KIF13B: variants seen among roughly 807,000 people sequenced by gnomAD.
KIF13B encodes kinesin family member 13B.
KIF13B carries 127 observed loss-of-function variants against 222.0 expected under a neutral mutation model. The observed-to-expected ratio is 0.57, with a 90% confidence interval of 0.50 to 0.66. The LOEUF (loss-of-function observed/expected upper bound fraction) is 0.66. Ranked by LOEUF, KIF13B falls within the 30% of genes least tolerant of loss-of-function variation. The pLI is 0.00. For missense variants in KIF13B, 2,173 were observed against 2,379.0 expected, an observed-to-expected ratio of 0.91 and a Z score of 1.80; for synonymous variants, 976 against 919.0, an observed-to-expected ratio of 1.06 and a Z score of -1.12.
intron 26 of KIF13B, among the ~76,000 whole-genome samples, chr8:29,124,884 A>C (rs1426933729): frequency 1.4e-4 from 11 of 77,894 alleles, no homozygotes; most frequent in South Asian, 3.6e-4. Context: ...ACTCCATCCC[A>C]AAAAAAAAAA....
chr8:29,192,404 T>C (rs1364394526), intron 3 of KIF13B, among the ~76,000 whole-genome samples: 1 of 152,108 alleles, frequency 6.6e-6, no homozygotes, highest in Admixed American at 6.6e-5. Context: ...AAGTTATATA[T>C]GTTGTTGTTG....
chr8:29,083,275 G>A (rs1217405010), intron 37 of KIF13B, among the ~76,000 whole-genome samples: 1 of 152,188 alleles, frequency 6.6e-6, no homozygotes, highest in Admixed American at 6.5e-5. Flanking sequence ...AGGTTATCAA[G>A]TTTTACTGGA....
chr8:29,196,667 C>T lies in KIF13B; in HGVS notation c.150-468G>A, dbSNP rs543217488. Reference sequence around the variant, plus strand: ...TTCTATTCTGGCTAAGGAAAAAAGGCTAAATTAAAGAAACCACTAATTTCT... The same window carrying T: ...TTCTATTCTGGCTAAGGAAAAAAGGTTAAATTAAAGAAACCACTAATTTCT... On this transcript the variant is annotated intron_variant, in intron 2 of 39. Coordinates refer to ENST00000524189, the MANE Select transcript of KIF13B (RefSeq NM_015254.4). Among the ~76,000 whole-genome samples the T allele has an allele frequency of 3.5e-4, 54 of 152,218 alleles. 1 individual carries two copies. The South Asian group carries it at 0.01, about 29-fold the overall frequency.
rs572309501 is a variant in KIF13B at position 29,075,763 on chromosome 8, A to C, written c.4459-420T>G. Among the ~76,000 whole-genome samples the C allele has an allele frequency of 2.6e-5, 4 of 152,258 alleles. 1 individual carries two copies. In the South Asian group the frequency reaches 8.3e-4, roughly 32 times the overall value. Reference sequence around the variant, plus strand: ...TAGTCACAGGAGGGGAGGAGGAAGGAGGCCAGGCTGGCTGGAGCACAAACC... The same window carrying C: ...TAGTCACAGGAGGGGAGGAGGAAGGCGGCCAGGCTGGCTGGAGCACAAACC... On this transcript the variant is annotated intron_variant, in intron 37 of 39. Transcript: ENST00000524189.
At chr8:29,090,887 C>T (rs1166136366) in intron 37 of KIF13B, among the ~76,000 whole-genome samples, 1 of 152,012 alleles carries the variant, frequency 6.6e-6, no homozygotes, top group African/African-American at 2.4e-5. Context: ...GCACGCCTGG[C>T]TAATTTTTGT....
rs976344393 is a variant in KIF13B at position 29,075,435 on chromosome 8, G to C, written c.4459-92C>G. ...TGCACAGGCTGGAGGGCCAGGACCT[G>C]CCCGAGGGGAATCGGCCCATCAGGT... On this transcript the variant is annotated intron_variant, in intron 37 of 39. Transcript: ENST00000524189. 8 of 1,166,368 alleles carry C rather than the reference G, an allele frequency of 6.9e-6. No homozygotes were observed. The East Asian group carries it at 2.1e-4, about 30-fold the overall frequency. 72.3% of individuals were successfully genotyped at this position (1,166,368 alleles called of 1,614,324 possible).
intron 21 of KIF13B, among the ~76,000 whole-genome samples, chr8:29,139,528 G>T (rs77178164): frequency 6.6e-6 from 1 of 152,122 alleles, no homozygotes; most frequent in African/African-American, 2.4e-5. Context: ...CAATATACGC[G>T]AAGTCTTACA....
rs375966959 is a variant in KIF13B, at chr8:29,116,840, G to A, written c.3828C>T (p.His1276=). 74 of 1,375,612 alleles carry A rather than the reference G, an allele frequency of 5.4e-5. No homozygotes were observed. Among genetic ancestry groups the A allele is most frequent in the Non-Finnish European group, 6.0e-5 (60 of 1,005,550 alleles). 85.2% of individuals were successfully genotyped at this position (1,375,612 alleles called of 1,614,324 possible). ...VLRKRICVNV[H]GRQGFAQSLL... The stretch of plus-strand genomic sequence containing the variant: ...TCCACTGAAGACTAACCTGGCGGCC[G>A]TGAACATTGACACAGATTCTCTTGC... The change falls in exon 31 of 40, where the codon CAC becomes CAT. Residue 1276 remains histidine, a synonymous_variant. Transcript: ENST00000524189.
chr8:29,150,501 C>T (rs956143631), intron 14 of KIF13B, 118 bp from the exon 15 acceptor site: 1 of 580,454 alleles, frequency 1.7e-6, no homozygotes, highest in Admixed American at 3.3e-5. Flanking sequence ...CCAAACACAA[C>T]CTGTTCTTGG....
chr8:29,073,864 G>T (rs987374997), intron 38 of KIF13B, among the ~76,000 whole-genome samples: 2 of 152,130 alleles, frequency 1.3e-5, no homozygotes, highest in African/African-American at 4.8e-5. Context: ...TTTTTGTGGT[G>T]AATCTCTAGG....
At chr8:29,168,459 C>T (rs1286313702) in intron 10 of KIF13B, among the ~76,000 whole-genome samples, 1 of 152,254 alleles carries the variant, frequency 6.6e-6, no homozygotes, top group African/African-American at 2.4e-5. Flanking sequence ...CTCTCTGCTT[C>T]CCTTGAGGGT....
intron 9 of KIF13B, among the ~76,000 whole-genome samples, chr8:29,177,194 T>G (rs142661218): frequency 0.03 from 4,548 of 151,520 alleles, 94 homozygotes; most frequent in Non-Finnish European, 0.045. Flanking sequence ...GGGATGCGGC[T>G]AGACACTCTA....
chr8:29,072,024 G>A lies in KIF13B; in HGVS notation c.4814C>T (p.Ala1605Val), dbSNP rs1807312831. 10 of 1,293,786 alleles carry A rather than the reference G, an allele frequency of 7.7e-6. No individual in the cohort carries two copies. In the Admixed American group the frequency reaches 3.0e-4, roughly 38 times the overall value. The allele number at this position is 1,293,786 out of a possible 1,614,324, so 80.1% of individuals were successfully genotyped here. The change falls in exon 39 of 40, where the codon GCG (alanine) becomes GTG (valine). Residue 1605 changes from alanine to valine, a missense_variant. Around this residue, in one of 2 missense-constraint regions of KIF13B, gnomAD observed 693 missense variants for 656.2 expected, o/e 1.06. Coordinates refer to ENST00000524189, the MANE Select transcript of KIF13B (RefSeq NM_015254.4). The stretch of plus-strand genomic sequence containing the variant: ...GGGCGGTGGGGGGTGGCTGATGGGC[G>A]CCTCGGGCTCGGCCTCAGGGGCGGT... ...MPTAPEAEPE[A>V]PISHPPPPTA...
intron 26 of KIF13B, among the ~76,000 whole-genome samples, chr8:29,124,436 G>A (rs534631141): frequency 9.9e-5 from 15 of 152,242 alleles, no homozygotes; most frequent in South Asian, 2.1e-4. Flanking sequence ...GGATAAAACC[G>A]ATAAACAGGA....
chr8:29,113,197 T>C (rs1403650063), intron 32 of KIF13B, among the ~76,000 whole-genome samples: 3 of 152,212 alleles, frequency 2.0e-5, no homozygotes, highest in Admixed American at 6.5e-5. Context: ...CTGGGTACAA[T>C]ATGTTTCTCT....
chr8:29,263,043 C>T lies in KIF13B; in HGVS notation c.-9G>A. The T allele has an allele frequency of 6.3e-7, 1 of 1,590,896 alleles. No homozygotes were observed. Among genetic ancestry groups the T allele is most frequent in the South Asian group, 1.1e-5 (1 of 87,004 alleles). ...ACTTTGGAGTCCCCCATCCTGCAGCCGCCGAGGAACTCGTTCGGCTTCCGT... is the reference window on the plus strand; with the variant it reads ...ACTTTGGAGTCCCCCATCCTGCAGCTGCCGAGGAACTCGTTCGGCTTCCGT... On this transcript the variant is annotated 5_prime_UTR_variant, in exon 1 of 40. Transcript: ENST00000524189.
At position 29,134,114 on chromosome 8, in the gene KIF13B, C is replaced by T. The variant is rs751813268; in HGVS notation, c.2710G>A (p.Ala904Thr). The change falls in exon 22 of 40, where the codon GCT (alanine) becomes ACT (threonine). Residue 904 changes from alanine to threonine, a missense_variant. This residue lies in a region of KIF13B where 1,480 missense variants were observed against 1,722.8 expected (regional missense o/e 0.86). Transcript: ENST00000524189. Reference protein sequence around the residue: ...FWDQQEPVIVAPEVDTSSSSV... With the variant: ...FWDQQEPVIVTPEVDTSSSSV... ...GAGGAGGAGGTGTCCACTTCAGGAG[C>T]GACAATCACCGGCTCCTGTTGATCC... 69 of 1,613,986 alleles carry T rather than the reference C, an allele frequency of 4.3e-5. No homozygotes were observed. The highest frequency in any genetic ancestry group is 1.1e-4 in the East Asian group (5 of 44,890).
At chr8:29,157,548 C>CA (rs1010820406) in intron 13 of KIF13B, among the ~76,000 whole-genome samples, 7 of 151,402 alleles carry the variant, frequency 4.6e-5, no homozygotes, top group East Asian at 1.9e-4. Context: ...ACTAAGAATA[C>CA]AAAAAAATTA....
chr8:29,231,803 A>G (rs1815296706), intron 2 of KIF13B, among the ~76,000 whole-genome samples: 1 of 152,194 alleles, frequency 6.6e-6, no homozygotes, highest in Admixed American at 6.5e-5. Flanking sequence ...GGAAATGTAC[A>G]TATATGTGTA....
Sources: gnomAD v4.1 joint callset for allele counts (sites outside exome capture counted in the v4.1 genomes callset) on GRCh38, gnomAD v4.1.1 for gene constraint, gnomAD v4.1.1 regional missense constraint, MANE v1.5 for transcripts, NCBI Gene and HGNC (gene_info 2026-07-23, HGNC 2026-07-21) for gene names.